CLVS1: variants seen among roughly 807,000 people sequenced by gnomAD.
CLVS1 encodes clavesin 1, also known as clavesin-1.
Under a neutral mutation model 33.1 loss-of-function variants are expected in CLVS1, and 10 were observed. The ratio of observed to expected loss-of-function variants is 0.30; its 90% CI spans 0.19 to 0.51. The LOEUF (loss-of-function observed/expected upper bound fraction) is 0.51, where lower values mean the gene tolerates loss of function less well. CLVS1 is among the 20% of genes least tolerant of loss of function. CLVS1 has a pLI of 0.97. For missense variants in CLVS1, 343 were observed against 433.4 expected (o/e 0.79, Z 1.85); for synonymous variants, 163 against 166.1 (o/e 0.98, Z 0.14).
At chr8:61,319,399 T>C (rs1344837116) in intron 2 of CLVS1, among the ~76,000 whole-genome samples, 3 of 152,210 alleles carry the variant, frequency 2.0e-5, no homozygotes, top group Non-Finnish European at 4.4e-5. Context: ...TGGACCTAGA[T>C]GAAAGCCCCA....
At chr8:61,324,195 A>G (rs2129596579) in intron 2 of CLVS1, among the ~76,000 whole-genome samples, 1 of 152,124 alleles carries the variant, frequency 6.6e-6, no homozygotes, top group Middle Eastern at 3.4e-3. Flanking sequence ...TCTTTTCTTG[A>G]ATTGTGCTCC....
chr8:61,442,748 C>T lies in CLVS1; in HGVS notation c.631-11393C>T, dbSNP rs546951774. The stretch of plus-strand genomic sequence containing the variant: ...CTGAGTAGCTGGGATTACAGGCACA[C>T]GCCACCACCCCTGACTAGTTTTTGT... On this transcript the variant is annotated intron_variant, in intron 3 of 5. Coordinates refer to ENST00000325897, the MANE Select transcript of CLVS1 (RefSeq NM_173519.3). 6.6e-5 allele frequency among the ~76,000 whole-genome samples: 10 copies of T among 152,180 alleles called. No individual in the cohort carries two copies. In the East Asian group the frequency reaches 7.7e-4, roughly 12 times the overall value.
the CLVS1 span, among the ~76,000 whole-genome samples, chr8:61,051,177 A>G: frequency 6.6e-6 from 1 of 152,184 alleles, no homozygotes; most frequent in Non-Finnish European, 1.5e-5. Context: ...TGATGAGCCA[A>G]CTCTGAAATG....
At chr8:61,487,105 G>A (rs1803913621) in intron 5 of CLVS1, among the ~76,000 whole-genome samples, 1 of 152,054 alleles carries the variant, frequency 6.6e-6, no homozygotes, top group African/African-American at 2.4e-5. Flanking sequence ...GATCTGGGCT[G>A]GGTCTGAGAA....
At chr8:61,430,819 G>A (rs753728898) in intron 3 of CLVS1, among the ~76,000 whole-genome samples, 11 of 152,126 alleles carry the variant, frequency 7.2e-5, no homozygotes, top group Non-Finnish European at 1.6e-4. Context: ...TCAAGGACAT[G>A]GAGTGGAATA....
chr8:61,262,993 A>G (rs1383196277), intron 2 of CLVS1, among the ~76,000 whole-genome samples: 1 of 152,210 alleles, frequency 6.6e-6, no homozygotes, highest in Non-Finnish European at 1.5e-5. Context: ...CTGCTGTGCC[A>G]CATTGTCTCA....
chr8:60,991,866 C>T, the CLVS1 span, among the ~76,000 whole-genome samples: 2 of 151,850 alleles, frequency 1.3e-5, no homozygotes, highest in Non-Finnish European at 2.9e-5. Context: ...TTTGCCTCAG[C>T]CACCTGAGGA....
At chr8:61,287,542 C>T (rs1315854559), upstream of CLVS1, among the ~76,000 whole-genome samples, 1 of 152,022 alleles carries the variant, frequency 6.6e-6, no homozygotes, top group Non-Finnish European at 1.5e-5. Flanking sequence ...ATCCTGAGAT[C>T]GGTAAAATAT....
chr8:61,300,078 A>G lies in CLVS1; in HGVS notation c.251A>G (p.Lys84Arg). Residue 84 changes from lysine to arginine, a missense_variant, in exon 2 of 6, where the codon AAG becomes AGG. Physicochemically the swap from Lys to Arg is conservative, Grantham distance 26. This residue lies in a region of CLVS1 where 166 missense variants were observed against 244.0 expected (regional missense o/e 0.68). Coordinates refer to ENST00000325897, the MANE Select transcript of CLVS1 (RefSeq NM_173519.3). The stretch of plus-strand genomic sequence containing the variant: ...ATCCTGAGATTTCTCCGAGCCAGGA[A>G]GTTTCACCAAGCGGATGCCTTTAGA... The part of the protein sequence containing the change: ...AFILRFLRAR[K>R]FHQADAFRLL... 6.2e-7 allele frequency: 1 copy of G among 1,614,016 alleles called. No individual in the cohort carries two copies. The highest frequency in any genetic ancestry group is 8.5e-7 in the Non-Finnish European group (1 of 1,179,954).
chr8:61,173,033 G>T (rs546996139), intron 2 of CLVS1, among the ~76,000 whole-genome samples: 138 of 152,276 alleles, frequency 9.1e-4, no homozygotes, highest in Non-Finnish European at 1.6e-3. Context: ...TAGTGAACAG[G>T]TTTTGTGGCA....
intron 2 of CLVS1, among the ~76,000 whole-genome samples, chr8:61,277,978 G>A (rs1217061760): frequency 1.3e-5 from 2 of 152,180 alleles, no homozygotes; most frequent in South Asian, 2.1e-4. Flanking sequence ...TTAATGTAGA[G>A]TCCTCTGGTA....
rs755634668 is a variant in CLVS1 at position 61,123,125 on chromosome 8, C to T, written c.-242-8645C>T. 6.3e-5 allele frequency among the ~76,000 whole-genome samples: 9 copies of T among 142,408 alleles called. 1 individual carries two copies. Among genetic ancestry groups the T allele is most frequent in the Admixed American group, 1.5e-4 (2 of 13,062 alleles). 93.4% of individuals were successfully genotyped at this position (142,408 alleles called of 152,430 possible). ...TCTCTACTAAAGATACAAAATTAGC[C>T]GGGGGTGGTGGTACATGCCTGTAAT... is the stretch of plus-strand genomic sequence containing the variant. On this transcript the variant is annotated intron_variant, in intron 1 of 2. Transcript: ENST00000522621.
At chr8:61,041,115 T>A in the CLVS1 span, among the ~76,000 whole-genome samples, 1 of 152,126 alleles carries the variant, frequency 6.6e-6, no homozygotes, top group Non-Finnish European at 1.5e-5. Flanking sequence ...CATATTTTTG[T>A]CAACTTTGTT....
At chr8:61,429,380 G>A (rs915532326) in intron 3 of CLVS1, among the ~76,000 whole-genome samples, 8 of 139,046 alleles carry the variant, frequency 5.8e-5, no homozygotes, top group Non-Finnish European at 1.1e-4. Context: ...AGATTGTGCC[G>A]CTGCACTCTA....
intron 1 of CLVS1, among the ~76,000 whole-genome samples, chr8:61,082,538 A>T (rs935064700): frequency 6.6e-6 from 1 of 152,226 alleles, no homozygotes; most frequent in African/African-American, 2.4e-5. Context: ...TTGGTAGATA[A>T]TATTTAAACT....
At chr8:61,260,766 C>A (rs1199737636) in intron 2 of CLVS1, among the ~76,000 whole-genome samples, 1 of 152,100 alleles carries the variant, frequency 6.6e-6, no homozygotes, top group East Asian at 1.9e-4. Context: ...TTTCTGTTAC[C>A]CTAACTTGAT....
chr8:61,358,347 G>A (rs1349620676), intron 2 of CLVS1, among the ~76,000 whole-genome samples: 1 of 152,184 alleles, frequency 6.6e-6, no homozygotes, highest in Non-Finnish European at 1.5e-5. Context: ...CACACACACT[G>A]TGTGCAAGCC....
chr8:61,364,106 C>A (rs1813095322), intron 2 of CLVS1, among the ~76,000 whole-genome samples: 1 of 152,196 alleles, frequency 6.6e-6, no homozygotes, highest in Admixed American at 6.5e-5. Flanking sequence ...TTGCAGAAAG[C>A]TTTTCTCCTC....
At chr8:61,232,450 T>C (rs967712267) in intron 2 of CLVS1, among the ~76,000 whole-genome samples, 17 of 152,176 alleles carry the variant, frequency 1.1e-4, no homozygotes, top group Non-Finnish European at 2.5e-4. Context: ...TTTGTGAATA[T>C]GGAAAGTTTG....
Sources: allele counts gnomAD v4.1 joint callset (sites outside exome capture counted in the v4.1 genomes callset), GRCh38; gene constraint gnomAD v4.1.1; regional missense constraint gnomAD v4.1.1; transcripts MANE v1.5; gene names NCBI Gene and HGNC (gene_info 2026-07-23, HGNC 2026-07-21).